Variants in ZNF599 observed in about 807,000 individuals in gnomAD.
The protein encoded by ZNF599 is zinc finger protein 599.
Under a neutral mutation model 11.7 loss-of-function variants are expected in ZNF599, and 10 were observed. The ratio of observed to expected loss-of-function variants is 0.86; its 90% CI spans 0.53 to 1.45. The LOEUF (loss-of-function observed/expected upper bound fraction) is 1.45, where lower values mean the gene tolerates loss of function less well. ZNF599 is among the 40% of genes most tolerant of loss of function. The pLI, the probability that ZNF599 is intolerant of heterozygous loss-of-function variation, is 0.00. For missense variants in ZNF599, 688 were observed against 713.6 expected, an observed-to-expected ratio of 0.96 and a Z score of 0.41; for synonymous variants, 232 against 253.2, an observed-to-expected ratio of 0.92 and a Z score of 0.79.
intron 1 of ZNF599, among the ~76,000 whole-genome samples, chr19:34,769,797 G>C (rs1021034828): frequency 6.6e-6 from 1 of 152,232 alleles, no homozygotes; most frequent in Non-Finnish European, 1.5e-5. Flanking sequence ...ATCTGACTGT[G>C]AGGAGCAGAC....
the ZNF599 span, among the ~76,000 whole-genome samples, chr19:34,790,031 G>A: frequency 6.6e-6 from 1 of 152,140 alleles, no homozygotes; most frequent in African/African-American, 2.4e-5. Context: ...TTTTGTATAT[G>A]TTGTGAGATA....
At chr19:34,805,785 C>G in the ZNF599 span, among the ~76,000 whole-genome samples, 2 of 152,156 alleles carry the variant, frequency 1.3e-5, no homozygotes, top group East Asian at 1.9e-4. Flanking sequence ...ACTGCCATTC[C>G]AGATCTGACC....
At chr19:34,796,307 G>A in the ZNF599 span, among the ~76,000 whole-genome samples, 1 of 151,188 alleles carries the variant, frequency 6.6e-6, no homozygotes, top group Non-Finnish European at 1.5e-5. Flanking sequence ...CCTAATAGGA[G>A]CCCTTCAATT....
intron 3 of ZNF599, chr19:34,763,051 C>A (rs1020401377): frequency 1.3e-5 from 2 of 151,944 alleles, no homozygotes; most frequent in Admixed American, 6.6e-5. Flanking sequence ...ATGAAAAAAA[C>A]CTGAATCTTC....
the ZNF599 span, among the ~76,000 whole-genome samples, chr19:34,800,826 C>T: frequency 1.3e-5 from 2 of 152,012 alleles, no homozygotes; most frequent in African/African-American, 2.4e-5. Context: ...CACTCCTGAC[C>T]TCAAGTGATC....
chr19:34,767,315 C>T lies in ZNF599; in HGVS notation c.241+1G>A. 1 of 1,613,864 alleles carries T rather than the reference C, an allele frequency of 6.2e-7. No individual in the cohort carries two copies. Among genetic ancestry groups the T allele is most frequent in the Non-Finnish European group, 8.5e-7 (1 of 1,179,782 alleles). On this transcript the variant is annotated splice_donor_variant, in intron 3 of 3. Coordinates refer to ENST00000329285, the MANE Select transcript of ZNF599 (RefSeq NM_001007248.3). LOFTEE classifies it high-confidence loss of function. ...CCGCTGCCAGACTCTCAGTCACCAA[C>T]CTGCGCAGGTGCTTTGGGAGAGGCC...
At chr19:34,770,543 C>G (rs1015262001) in intron 1 of ZNF599, among the ~76,000 whole-genome samples, 3 of 152,240 alleles carry the variant, frequency 2.0e-5, no homozygotes, top group Non-Finnish European at 4.4e-5. Context: ...TCCCTGCCCT[C>G]AGGCAGCTGG....
intron 3 of ZNF599, chr19:34,765,756 G>A: frequency 1.5e-6 from 1 of 689,024 alleles, no homozygotes; most frequent in Admixed American, 2.0e-5. Flanking sequence ...GGCAAGGGAG[G>A]CGGTGATACA....
chr19:34,768,806 C>T (rs542818972), intron 2 of ZNF599, among the ~76,000 whole-genome samples: 35 of 152,314 alleles, frequency 2.3e-4, no homozygotes, highest in African/African-American at 8.2e-4. Flanking sequence ...CAACACTCAA[C>T]ATTCAAGAGA....
chr19:34,790,552 G>A, the ZNF599 span, among the ~76,000 whole-genome samples: 101 of 152,272 alleles, frequency 6.6e-4, 1 homozygote, highest in Non-Finnish European at 1.2e-3. Context: ...TTTATATGTG[G>A]AATCAAGAGA....
At chr19:34,791,933 G>C in the ZNF599 span, 5 of 152,210 alleles carry the variant, frequency 3.3e-5, no homozygotes, top group African/African-American at 1.2e-4. Context: ...TGGAGAAATA[G>C]GACAGCAATA....
the ZNF599 span, among the ~76,000 whole-genome samples, chr19:34,807,033 AG>A: frequency 2.0e-5 from 3 of 152,318 alleles, no homozygotes; most frequent in South Asian, 2.1e-4. Flanking sequence ...TTGTCACTGC[AG>A]GTGTGACTTC....
At chr19:34,761,008 G>A (rs1023437876) in intron 3 of ZNF599, among the ~76,000 whole-genome samples, 1 of 152,182 alleles carries the variant, frequency 6.6e-6, no homozygotes, top group African/African-American at 2.4e-5. Context: ...CTTTAAAAAG[G>A]AGAGTAGGAG....
At chr19:34,769,630 G>A (rs964683249) in intron 1 of ZNF599, 75 bp from the exon 2 acceptor site, 26 of 1,555,298 alleles carry the variant, frequency 1.7e-5, no homozygotes, top group African/African-American at 2.7e-5. Flanking sequence ...TTGGTTACTG[G>A]CAAAGGGTCC....
chr19:34,770,493 G>A (rs890303782), intron 1 of ZNF599, among the ~76,000 whole-genome samples: 1 of 152,242 alleles, frequency 6.6e-6, no homozygotes, highest in African/African-American at 2.4e-5. Context: ...ACCTGAAGAG[G>A]TGCCAACTGC....
chr19:34,764,609 A>T (rs2069131164), intron 3 of ZNF599: 1 of 152,240 alleles, frequency 6.6e-6, no homozygotes. Flanking sequence ...ATGCAACCAC[A>T]TGAATGAATC....
In ZNF599 at chr19:34,760,087, A is replaced by T; in HGVS notation, c.714T>A (p.Tyr238Ter). ...ECNECGKACR[Y>*]MADVIRHMRL... ...TCATATGTCGAATGACATCAGCCAT[A>T]TAACGACAGGCTTTCCCACACTCAT... Residue 238 changes from tyrosine (Y) to a stop codon, truncating the protein, a stop_gained, in exon 4 of 4, where the codon TAT becomes TAA. Coordinates refer to ENST00000329285, the MANE Select transcript of ZNF599 (RefSeq NM_001007248.3). LOFTEE classifies it low-confidence loss of function (END_TRUNC). 1 of 1,614,032 alleles carries T rather than the reference A, an allele frequency of 6.2e-7. No individual in the cohort carries two copies. The highest frequency in any genetic ancestry group is 8.5e-7 in the Non-Finnish European group (1 of 1,179,986).
chr19:34,800,133 T>C, the ZNF599 span, among the ~76,000 whole-genome samples: 2 of 152,230 alleles, frequency 1.3e-5, no homozygotes, highest in Admixed American at 1.3e-4. Context: ...GGTCGTTTTG[T>C]TTTCTCACTG....
the ZNF599 span, among the ~76,000 whole-genome samples, chr19:34,785,862 A>G: frequency 6.6e-6 from 1 of 152,164 alleles, no homozygotes; most frequent in Non-Finnish European, 1.5e-5. Context: ...GGCCATTGTC[A>G]TGGAGAAACA....
Sources: gnomAD v4.1 joint callset for allele counts (sites outside exome capture counted in the v4.1 genomes callset) on GRCh38, gnomAD v4.1.1 for gene constraint, MANE v1.5 for transcripts, NCBI Gene and HGNC (gene_info 2026-07-23, HGNC 2026-07-21) for gene names.